EPHA3: variants seen among roughly 807,000 people sequenced by gnomAD.
EPHA3 encodes the protein ephrin type-A receptor 3.
EPHA3 carries 42 observed loss-of-function variants against 107.1 expected under a neutral mutation model. The ratio of observed to expected loss-of-function variants is 0.39; its 90% confidence interval spans 0.31 to 0.51. The LOEUF is 0.51. Among genes scored for constraint, EPHA3 ranks in the 20% least tolerant of loss-of-function variants. The pLI is 0.78. For missense variants in EPHA3, 1,183 were observed against 1,211.2 expected (o/e 0.98, Z 0.35); for synonymous variants, 461 against 424.8 (o/e 1.09, Z -1.05).
intron 9 of EPHA3, among the ~76,000 whole-genome samples, chr3:89,409,257 T>C (rs1709112188): frequency 6.6e-6 from 1 of 151,982 alleles, no homozygotes; most frequent in Admixed American, 6.6e-5. Flanking sequence ...AACTCAAAAG[T>C]CTAAAAAGAA....
intron 3 of EPHA3, among the ~76,000 whole-genome samples, chr3:89,313,345 T>G (rs192146095): frequency 3.8e-4 from 58 of 152,134 alleles, no homozygotes; most frequent in African/African-American, 1.4e-3. Context: ...ATTTAAACAG[T>G]ACATTTGGCT....
intron 2 of EPHA3, among the ~76,000 whole-genome samples, chr3:89,150,640 A>T (rs1440667664): frequency 1.3e-5 from 2 of 152,068 alleles, no homozygotes; most frequent in South Asian, 2.1e-4. Flanking sequence ...TCCATATTCT[A>T]TGTTACTGAA....
intron 3 of EPHA3, among the ~76,000 whole-genome samples, chr3:89,257,147 C>T (rs1705304405): frequency 6.6e-6 from 1 of 152,130 alleles, no homozygotes; most frequent in Non-Finnish European, 1.5e-5. Context: ...ACTATCGATC[C>T]TTCTCTTATT....
intron 3 of EPHA3, among the ~76,000 whole-genome samples, chr3:89,223,445 GA>G (rs1367300318): frequency 6.6e-6 from 1 of 152,158 alleles, no homozygotes; most frequent in Admixed American, 6.6e-5. Flanking sequence ...CTGCCATAAA[GA>G]AATTTAAACA....
At chr3:89,308,988 A>C (rs1706698897) in intron 3 of EPHA3, among the ~76,000 whole-genome samples, 1 of 152,126 alleles carries the variant, frequency 6.6e-6, no homozygotes, top group Non-Finnish European at 1.5e-5. Context: ...GAAGATTCTG[A>C]GAAGTGTTCT....
rs553746065 is a variant in EPHA3, at chr3:89,457,047, G to A, written c.2690+6677G>A. Reference sequence around the variant, plus strand: ...AGGAGTTCGGGAATCCCGAGGGGAGGTGAGTTTACTTTTATATTTGGAGTT... The same window carrying A: ...AGGAGTTCGGGAATCCCGAGGGGAGATGAGTTTACTTTTATATTTGGAGTT... On this transcript the variant is annotated intron_variant, in intron 15 of 16. Coordinates refer to ENST00000336596, the MANE Select transcript of EPHA3 (RefSeq NM_005233.6). 7.9e-5 allele frequency among the ~76,000 whole-genome samples: 12 copies of A among 152,252 alleles called. No individual in the cohort carries two copies. In the South Asian group the frequency reaches 2.5e-3, roughly 32 times the overall value.
rs1347259349 is a variant in EPHA3, at chr3:89,235,722, C to T, written c.814+25202C>T. 2.0e-5 allele frequency among the ~76,000 whole-genome samples: 3 copies of T among 151,758 alleles called. 1 individual carries two copies. The highest frequency in any genetic ancestry group is 4.2e-4 in the South Asian group (2 of 4,812). ...TTTTTTCATATGTTTTATCATTTCT[C>T]TTTTAGGAAACTTGCTGAATTCTTA... is the stretch of plus-strand genomic sequence containing the variant. On this transcript the variant is annotated intron_variant, in intron 3 of 16. Coordinates refer to ENST00000336596, the MANE Select transcript of EPHA3 (RefSeq NM_005233.6).
In EPHA3 at chr3:89,366,418, A is replaced by G. The variant is rs938888085; in HGVS notation, c.1306+24328A>G. On this transcript the variant is annotated intron_variant, in intron 5 of 16. Transcript: ENST00000336596. The stretch of plus-strand genomic sequence containing the variant: ...ATCAAAAACATGAACGCATAATAAG[A>G]TAATATACAGCATTTTAGAATTGAT... 5.3e-5 allele frequency among the ~76,000 whole-genome samples: 8 copies of G among 150,796 alleles called. No individual in the cohort carries two copies. In the Admixed American group the frequency reaches 5.3e-4, roughly 10 times the overall value.
At chr3:89,469,307 G>C (rs1301192884) in intron 15 of EPHA3, among the ~76,000 whole-genome samples, 2 of 152,114 alleles carry the variant, frequency 1.3e-5, no homozygotes, top group Non-Finnish European at 2.9e-5. Flanking sequence ...ATTTTCCACA[G>C]AGTATGTAAA....
intron 1 of EPHA3, among the ~76,000 whole-genome samples, chr3:89,119,282 ACTT>A (rs1707324377): frequency 1.3e-5 from 2 of 152,068 alleles, no homozygotes; most frequent in South Asian, 4.1e-4. Context: ...CCATATAAAA[ACTT>A]CTGTAGGTGC....
At chr3:89,471,079 A>C (rs1488861367) in intron 15 of EPHA3, among the ~76,000 whole-genome samples, 1 of 152,074 alleles carries the variant, frequency 6.6e-6, no homozygotes, top group Non-Finnish European at 1.5e-5. Context: ...TCCCTTCCTT[A>C]GGAGAAAAGA....
chr3:89,265,615 T>C (rs969935643), intron 3 of EPHA3, among the ~76,000 whole-genome samples: 29 of 152,252 alleles, frequency 1.9e-4, no homozygotes, highest in African/African-American at 6.7e-4. Flanking sequence ...ATAAATATAA[T>C]CTGATTTCTT....
At chr3:89,154,271 T>A (rs748361958) in intron 2 of EPHA3, among the ~76,000 whole-genome samples, 2,615 of 145,444 alleles carry the variant, frequency 0.018, 26 homozygotes, top group Non-Finnish European at 0.03. Context: ...TTTTTGTTTG[T>A]TTTTTTTTTT....
intron 2 of EPHA3, among the ~76,000 whole-genome samples, chr3:89,132,011 A>G (rs1704216785): frequency 6.6e-6 from 1 of 152,204 alleles, no homozygotes; most frequent in Non-Finnish European, 1.5e-5. Context: ...TGACCATGAT[A>G]GTTATTGTTG....
intron 13 of EPHA3, among the ~76,000 whole-genome samples, chr3:89,440,723 A>T (rs988926503): frequency 1.3e-5 from 2 of 152,218 alleles, no homozygotes; most frequent in African/African-American, 4.8e-5. Context: ...TTAGACTCTC[A>T]ACTAATCCTG....
intron 3 of EPHA3, among the ~76,000 whole-genome samples, chr3:89,274,403 A>G (rs1441441894): frequency 1.3e-5 from 2 of 151,980 alleles, no homozygotes; most frequent in Non-Finnish European, 2.9e-5. Context: ...AACTGACTGA[A>G]CTAAGTAATT....
intron 15 of EPHA3, among the ~76,000 whole-genome samples, chr3:89,455,672 C>CT (rs1305421305): frequency 6.6e-6 from 1 of 152,194 alleles, no homozygotes; most frequent in African/African-American, 2.4e-5. Context: ...ACCTCAGTGG[C>CT]TACTTCTAGT....
chr3:89,299,619 C>T (rs1448784572), intron 3 of EPHA3, among the ~76,000 whole-genome samples: 1 of 151,910 alleles, frequency 6.6e-6, no homozygotes, highest in African/African-American at 2.4e-5. Context: ...ATGTGATTGT[C>T]TTTCTGTAAT....
At chr3:89,310,497 C>T (rs554902394) in intron 3 of EPHA3, among the ~76,000 whole-genome samples, 1 of 151,714 alleles carries the variant, frequency 6.6e-6, no homozygotes, top group Admixed American at 6.6e-5. Context: ...TATGTTAACC[C>T]CTTCCTTTCT....
Sources: gnomAD v4.1 joint callset for allele counts (sites outside exome capture counted in the v4.1 genomes callset) on GRCh38, gnomAD v4.1.1 for gene constraint, MANE v1.5 for transcripts, NCBI Gene and HGNC (gene_info 2026-07-23, HGNC 2026-07-21) for gene names.